The following ENTREP2 variants were observed in gnomAD, a reference collection of about 807,000 sequenced individuals.
ENTREP2 encodes the protein endosomal transmembrane epsin interactor 2.
At chr15:29,371,499 CATAA>C in the ENTREP2 span, among the ~76,000 whole-genome samples, 1 of 151,800 alleles carries the variant, frequency 6.6e-6, no homozygotes, top group African/African-American at 2.4e-5. Flanking sequence ...AAAAAAATAG[CATAA>C]ATAATGACCT....
At chr15:29,223,869 C>A in the ENTREP2 span, among the ~76,000 whole-genome samples, 2 of 152,218 alleles carry the variant, frequency 1.3e-5, no homozygotes, top group Non-Finnish European at 2.9e-5. Context: ...GAGGGCTCAG[C>A]TGACAGAGGA....
chr15:29,250,770 A>G, the ENTREP2 span, among the ~76,000 whole-genome samples: 1 of 152,314 alleles, frequency 6.6e-6, no homozygotes, highest in South Asian at 2.1e-4. Flanking sequence ...TGGCCAAGTT[A>G]TGAATACAAG....
the ENTREP2 span, among the ~76,000 whole-genome samples, chr15:29,276,860 T>C: frequency 1.3e-5 from 2 of 152,166 alleles, no homozygotes; most frequent in African/African-American, 4.8e-5. Context: ...GAAATGAGAC[T>C]TTGGAGCTAG....
At chr15:29,523,718 CTGTAA>C in the ENTREP2 span, among the ~76,000 whole-genome samples, 1 of 151,924 alleles carries the variant, frequency 6.6e-6, no homozygotes, top group Non-Finnish European at 1.5e-5. Context: ...TACAAAGCTA[CTGTAA>C]TAAGCCCATA....
At chr15:29,131,630 T>A in the ENTREP2 span, among the ~76,000 whole-genome samples, 1 of 26,106 alleles carries the variant, frequency 3.8e-5, no homozygotes, top group Non-Finnish European at 6.7e-5. Flanking sequence ...AGCCCCCCCA[T>A]ATCACCTCCC....
chr15:29,125,250 G>A, the ENTREP2 span, among the ~76,000 whole-genome samples: 1 of 152,198 alleles, frequency 6.6e-6, no homozygotes, highest in Non-Finnish European at 1.5e-5. Flanking sequence ...CTCAGTGAGT[G>A]AATGTGAGCA....
At chr15:29,226,079 AG>A in the ENTREP2 span, among the ~76,000 whole-genome samples, 1 of 152,224 alleles carries the variant, frequency 6.6e-6, no homozygotes, top group East Asian at 1.9e-4. Flanking sequence ...GCTTGTCTCC[AG>A]GACTTGTCTT....
chr15:29,225,144 G>C, the ENTREP2 span, among the ~76,000 whole-genome samples: 1 of 152,168 alleles, frequency 6.6e-6, no homozygotes, highest in Non-Finnish European at 1.5e-5. Context: ...ACACCTCCCT[G>C]CAAGCTAAGG....
At chr15:29,173,175 C>T in the ENTREP2 span, among the ~76,000 whole-genome samples, 2 of 152,188 alleles carry the variant, frequency 1.3e-5, no homozygotes, top group African/African-American at 2.4e-5. Context: ...TGTCCACTCC[C>T]AGGACAGTCC....
the ENTREP2 span, among the ~76,000 whole-genome samples, chr15:29,363,341 A>G: frequency 6.6e-6 from 1 of 152,220 alleles, no homozygotes; most frequent in Admixed American, 6.5e-5. Flanking sequence ...GCTTCGAAAG[A>G]AAGCCTTGCA....
At chr15:29,418,173 G>A in the ENTREP2 span, among the ~76,000 whole-genome samples, 1 of 152,086 alleles carries the variant, frequency 6.6e-6, no homozygotes, top group Non-Finnish European at 1.5e-5. Context: ...ATTAATATCA[G>A]CACTATTAAA....
chr15:29,138,466 C>T, the ENTREP2 span, among the ~76,000 whole-genome samples: 1 of 152,096 alleles, frequency 6.6e-6, no homozygotes, highest in Non-Finnish European at 1.5e-5. Flanking sequence ...AAGCTCTGGG[C>T]CAGGGGCCCT....
At chr15:29,651,046 G>T in the ENTREP2 span, among the ~76,000 whole-genome samples, 3 of 152,158 alleles carry the variant, frequency 2.0e-5, no homozygotes, top group African/African-American at 7.2e-5. Flanking sequence ...AACTGGTTAA[G>T]TTATCTGAAG....
the ENTREP2 span, among the ~76,000 whole-genome samples, chr15:29,432,877 C>G: frequency 4.6e-5 from 7 of 152,208 alleles, no homozygotes; most frequent in African/African-American, 9.7e-5. Context: ...AGCCCTGGCT[C>G]CTGCCTCCAG....
chr15:29,326,333 G>A, the ENTREP2 span, among the ~76,000 whole-genome samples: 1 of 152,018 alleles, frequency 6.6e-6, no homozygotes, highest in African/African-American at 2.4e-5. Context: ...AAATCCCAAA[G>A]AACTGTCAAG....
chr15:29,412,868 A>T, the ENTREP2 span, among the ~76,000 whole-genome samples: 2 of 151,830 alleles, frequency 1.3e-5, no homozygotes, highest in East Asian at 3.9e-4. Flanking sequence ...TCTTTTTCTA[A>T]GTAAATCTGA....
At chr15:29,253,858 A>AG in the ENTREP2 span, among the ~76,000 whole-genome samples, 3 of 152,196 alleles carry the variant, frequency 2.0e-5, no homozygotes, top group Non-Finnish European at 4.4e-5. Flanking sequence ...TTTATGAATA[A>AG]GAATACATAT....
At chr15:29,233,675 A>G in the ENTREP2 span, 1 of 1,033,510 alleles carries the variant, frequency 9.7e-7, no homozygotes. Flanking sequence ...ATGGATGGGC[A>G]TAGCGCATCT....
the ENTREP2 span, among the ~76,000 whole-genome samples, chr15:29,606,400 A>G: frequency 2.6e-5 from 4 of 151,548 alleles, no homozygotes. Context: ...ACACCTGGCT[A>G]ATTTTCTGTA....
Sources: gnomAD v4.1 joint callset for allele counts (sites outside exome capture counted in the v4.1 genomes callset) on GRCh38, gnomAD v4.1.1 for gene constraint, MANE v1.5 for transcripts, NCBI Gene and HGNC (gene_info 2026-07-23, HGNC 2026-07-21) for gene names.